ADAMTSL3: variants seen among roughly 807,000 people sequenced by gnomAD.
ADAMTSL3 encodes the protein ADAMTS-like protein 3.
ADAMTSL3 carries 128 observed loss-of-function variants against 201.7 expected under a neutral mutation model. The observed-to-expected ratio is 0.63, with a 90% confidence interval of 0.55 to 0.73. The LOEUF is 0.73. Among genes scored for constraint, ADAMTSL3 ranks in the 30% least tolerant of loss-of-function variants. The pLI, the probability that ADAMTSL3 is intolerant of heterozygous loss-of-function variation, is 0.00. For missense variants in ADAMTSL3, 1,990 were observed against 2,119.6 expected (o/e 0.94, Z 1.20); for synonymous variants, 738 against 748.4 (o/e 0.99, Z 0.23).
chr15:83,987,667 CAT>C (rs2067504255), intron 21 of ADAMTSL3, among the ~76,000 whole-genome samples: 1 of 152,120 alleles, frequency 6.6e-6, no homozygotes, highest in Non-Finnish European at 1.5e-5. Context: ...AAGTGAACAA[CAT>C]ATGCAAAAGC....
At chr15:83,876,600 C>T (rs1027264723) in intron 9 of ADAMTSL3, among the ~76,000 whole-genome samples, 3 of 151,964 alleles carry the variant, frequency 2.0e-5, no homozygotes, top group Admixed American at 6.6e-5. Context: ...AGAAATTCTT[C>T]TTTTTGTTGT....
chr15:83,763,401 A>G lies in ADAMTSL3; in HGVS notation c.190-10122A>G, dbSNP rs1019208534. On this transcript the variant is annotated intron_variant, in intron 3 of 29. Transcript: ENST00000286744. ...TTTTATTTTATTTTCCTGAGAAGTCAGAAATCTAGATTTTTTTTTTTTTTG... is the reference window on the plus strand; with the variant it reads ...TTTTATTTTATTTTCCTGAGAAGTCGGAAATCTAGATTTTTTTTTTTTTTG... Among the ~76,000 whole-genome samples the G allele has an allele frequency of 3.3e-5, 5 of 151,926 alleles. 1 individual carries two copies. The highest frequency in any genetic ancestry group is 6.5e-5 in the Admixed American group (1 of 15,288).
chr15:83,826,501 T>A (rs1388693917), intron 6 of ADAMTSL3, among the ~76,000 whole-genome samples: 3 of 151,988 alleles, frequency 2.0e-5, no homozygotes, highest in Non-Finnish European at 4.4e-5. Context: ...TTTTATTTCT[T>A]TTTTTATAGG....
At chr15:83,900,552 G>T (rs569335125) in intron 15 of ADAMTSL3, among the ~76,000 whole-genome samples, 2 of 152,218 alleles carry the variant, frequency 1.3e-5, no homozygotes, top group Non-Finnish European at 2.9e-5. Context: ...AGTGTTTGGT[G>T]CTGACAGGCT....
At chr15:83,854,726 C>G (rs1177041116) in intron 7 of ADAMTSL3, among the ~76,000 whole-genome samples, 2 of 152,198 alleles carry the variant, frequency 1.3e-5, no homozygotes, top group African/African-American at 4.8e-5. Context: ...TCCTTCTTCA[C>G]TCATTCTTCT....
At chr15:83,874,147 C>A (rs1369641727) in intron 9 of ADAMTSL3, among the ~76,000 whole-genome samples, 1 of 142,940 alleles carries the variant, frequency 7.0e-6, no homozygotes, top group Non-Finnish European at 1.5e-5. Context: ...AAAGCCTTCT[C>A]CCTCTCCTGG....
chr15:83,695,234 GTGTGTGT>G (rs1567078330), intron 2 of ADAMTSL3, among the ~76,000 whole-genome samples: 27 of 660 alleles, frequency 0.041, 1 homozygote, highest in East Asian at 0.1. Context: ...TGTAATGTGT[GTGTGTGT>G]GTGTGTGTGT....
chr15:83,925,743 A>G (rs1195823160), intron 17 of ADAMTSL3, among the ~76,000 whole-genome samples: 3 of 152,172 alleles, frequency 2.0e-5, no homozygotes, highest in Non-Finnish European at 2.9e-5. Flanking sequence ...AGTAATCCGA[A>G]TTATTTATCT....
chr15:83,695,040 T>C (rs1042007062), intron 2 of ADAMTSL3, among the ~76,000 whole-genome samples: 1 of 151,750 alleles, frequency 6.6e-6, no homozygotes, highest in African/African-American at 2.4e-5. Flanking sequence ...ATGTGGTGTA[T>C]ATGTATTTGG....
At position 83,807,431 on chromosome 15, in the gene ADAMTSL3, A is replaced by G. The variant is rs564118576; in HGVS notation, c.363+2736A>G. Among the ~76,000 whole-genome samples, 22 of 152,290 alleles carry G rather than the reference A, an allele frequency of 1.4e-4. 1 individual carries two copies. In the South Asian group the frequency reaches 4.1e-3, roughly 29 times the overall value. On this transcript the variant is annotated intron_variant, in intron 5 of 29. Transcript: ENST00000286744. The stretch of plus-strand genomic sequence containing the variant: ...AGGTTGTGCCATTGCACTCCAGCCT[A>G]GGTGACAGTGCGAGACTGTCTCAAT...
chr15:83,895,817 A>C (rs2065601690), intron 13 of ADAMTSL3, among the ~76,000 whole-genome samples: 1 of 152,080 alleles, frequency 6.6e-6, no homozygotes, highest in African/African-American at 2.4e-5. Context: ...GGGGTAGGTG[A>C]GTCAATTTTC....
At chr15:83,775,343 C>CTTT in intron 4 of ADAMTSL3, among the ~76,000 whole-genome samples, 1 of 143,046 alleles carries the variant, frequency 7.0e-6, no homozygotes. Flanking sequence ...TTGCATTGGT[C>CTTT]TTTTTTTTTT....
chr15:83,755,241 A>G lies in ADAMTSL3; in HGVS notation c.190-18282A>G, dbSNP rs140434288. Among the ~76,000 whole-genome samples the G allele has an allele frequency of 5.6e-3, 845 of 152,246 alleles. 6 individuals carry two copies. Among genetic ancestry groups the G allele is most frequent in the African/African-American group, 0.019 (788 of 41,534 alleles). Reference sequence around the variant, plus strand: ...GGTGTTGCCTGTACTCTTTTAAAAAATTATTGTGGTAAAATATATATTGTT... The same window carrying G: ...GGTGTTGCCTGTACTCTTTTAAAAAGTTATTGTGGTAAAATATATATTGTT... On this transcript the variant is annotated intron_variant, in intron 3 of 29. Transcript: ENST00000286744.
chr15:83,687,790 T>A (rs2061557882), intron 2 of ADAMTSL3, among the ~76,000 whole-genome samples: 1 of 152,156 alleles, frequency 6.6e-6, no homozygotes, highest in South Asian at 2.1e-4. Context: ...CCAGAACAGA[T>A]GGCTCTTATT....
At chr15:84,003,508 T>G (rs946434030) in intron 23 of ADAMTSL3, among the ~76,000 whole-genome samples, 1 of 152,144 alleles carries the variant, frequency 6.6e-6, no homozygotes, top group African/African-American at 2.4e-5. Context: ...GAGTGGTGCC[T>G]CCTGGCTGGC....
At chr15:83,800,120 A>G (rs950229886) in intron 4 of ADAMTSL3, among the ~76,000 whole-genome samples, 2 of 152,204 alleles carry the variant, frequency 1.3e-5, no homozygotes, top group Non-Finnish European at 2.9e-5. Flanking sequence ...GGTTGGGTTT[A>G]AAAATAAAAA....
intron 17 of ADAMTSL3, among the ~76,000 whole-genome samples, chr15:83,935,501 G>GA (rs2066445684): frequency 6.6e-6 from 1 of 151,846 alleles, no homozygotes; most frequent in African/African-American, 2.4e-5. Context: ...CAGAATTAAT[G>GA]AAAAAATATG....
At chr15:83,962,997 C>A (rs2067002626) in intron 19 of ADAMTSL3, among the ~76,000 whole-genome samples, 1 of 152,240 alleles carries the variant, frequency 6.6e-6, no homozygotes, top group African/African-American at 2.4e-5. Context: ...AGGTACTACA[C>A]TTTTCCCATG....
At chr15:83,821,303 A>T (rs1472829612) in intron 6 of ADAMTSL3, among the ~76,000 whole-genome samples, 1 of 149,656 alleles carries the variant, frequency 6.7e-6, no homozygotes, top group Non-Finnish European at 1.5e-5. Context: ...GGGATTTGGC[A>T]GGGTCATAGG....
Sources: gnomAD v4.1 joint callset for allele counts (sites outside exome capture counted in the v4.1 genomes callset) on GRCh38, gnomAD v4.1.1 for gene constraint, MANE v1.5 for transcripts, NCBI Gene and HGNC (gene_info 2026-07-23, HGNC 2026-07-21) for gene names.